Variants in THSD7B observed in about 807,000 individuals in gnomAD.
THSD7B encodes thrombospondin type 1 domain containing 7B.
THSD7B carries 138 observed loss-of-function variants against 213.6 expected under a neutral mutation model. The ratio of observed to expected loss-of-function variants is 0.65; its 90% CI spans 0.56 to 0.74. The LOEUF (loss-of-function observed/expected upper bound fraction) is 0.74, where lower values mean the gene tolerates loss of function less well. Among genes scored for constraint, THSD7B ranks in the 30% least tolerant of loss-of-function variants. The pLI is 0.00. For synonymous variants in THSD7B, 742 were observed against 687.0 expected (o/e 1.08, Z -1.25); for missense variants, 1,931 against 1,991.5 (o/e 0.97, Z 0.58).
At chr2:137,427,575 A>G (rs1287006281) in intron 14 of THSD7B, among the ~76,000 whole-genome samples, 1 of 152,112 alleles carries the variant, frequency 6.6e-6, no homozygotes, top group African/African-American at 2.4e-5. Flanking sequence ...GGCTAAGTGA[A>G]TTAAGCCAGA....
At chr2:137,520,335 G>A (rs1270245477) in intron 15 of THSD7B, among the ~76,000 whole-genome samples, 8 of 152,114 alleles carry the variant, frequency 5.3e-5, no homozygotes, top group East Asian at 3.8e-4. Flanking sequence ...TTTGTATAAC[G>A]AATAGAATTG....
At chr2:137,482,221 A>T (rs2105107078) in intron 15 of THSD7B, among the ~76,000 whole-genome samples, 1 of 151,788 alleles carries the variant, frequency 6.6e-6, no homozygotes, top group Admixed American at 6.6e-5. Flanking sequence ...GCCATAGATT[A>T]ATTTCAAATG....
At chr2:136,900,398 G>A (rs907538970) in intron 2 of THSD7B, among the ~76,000 whole-genome samples, 6 of 151,798 alleles carry the variant, frequency 4.0e-5, no homozygotes, top group African/African-American at 2.4e-5. Flanking sequence ...TGTTGTTATC[G>A]ATCAATAGAA....
intron 15 of THSD7B, among the ~76,000 whole-genome samples, chr2:137,451,659 G>C (rs1473550265): frequency 6.6e-6 from 1 of 151,920 alleles, no homozygotes; most frequent in Non-Finnish European, 1.5e-5. Context: ...AAGTTGATTA[G>C]AGTATTTCAG....
At chr2:137,057,913 CAT>C (rs1425311894) in intron 3 of THSD7B, among the ~76,000 whole-genome samples, 2 of 152,190 alleles carry the variant, frequency 1.3e-5, no homozygotes, top group African/African-American at 2.4e-5. Flanking sequence ...AACATCATGA[CAT>C]AAACTCACAG....
chr2:137,004,159 A>G (rs1487438177), intron 2 of THSD7B, among the ~76,000 whole-genome samples: 2 of 152,206 alleles, frequency 1.3e-5, no homozygotes, highest in Non-Finnish European at 1.5e-5. Flanking sequence ...CAGTCAAAAG[A>G]AAAAGTGGCA....
chr2:137,147,792 T>C (rs1200555027), intron 5 of THSD7B, among the ~76,000 whole-genome samples: 1 of 152,170 alleles, frequency 6.6e-6, no homozygotes, highest in African/African-American at 2.4e-5. Context: ...CTGATTTTTC[T>C]CACCTCTTTC....
chr2:137,135,533 A>G (rs1357319987), intron 5 of THSD7B, among the ~76,000 whole-genome samples: 1 of 152,196 alleles, frequency 6.6e-6, no homozygotes, highest in African/African-American at 2.4e-5. Flanking sequence ...TACACATTAA[A>G]ATTCTTAACA....
intron 12 of THSD7B, among the ~76,000 whole-genome samples, chr2:137,362,099 A>G (rs536937393): frequency 7.2e-4 from 110 of 152,312 alleles, no homozygotes; most frequent in African/African-American, 2.6e-3. Flanking sequence ...AAAGAAAAGA[A>G]TTTTCAACCC....
At chr2:136,817,618 G>T (rs1404319338) in intron 1 of THSD7B, among the ~76,000 whole-genome samples, 1 of 151,052 alleles carries the variant, frequency 6.6e-6, no homozygotes, top group Non-Finnish European at 1.5e-5. Context: ...ATTAAATAGG[G>T]AATCCTTTCC....
intron 14 of THSD7B, among the ~76,000 whole-genome samples, chr2:137,412,457 G>A (rs1387931445): frequency 1.3e-5 from 2 of 151,434 alleles, no homozygotes; most frequent in African/African-American, 2.4e-5. Context: ...AAAATTAGCC[G>A]GGCGTGGTGG....
intron 1 of THSD7B, among the ~76,000 whole-genome samples, chr2:136,825,718 A>ATTTTGTTTTTTTTTTT (rs1682634976): frequency 8.6e-6 from 1 of 116,896 alleles, no homozygotes; most frequent in Non-Finnish European, 1.7e-5. Context: ...TGCCTGGCTA[A>ATTTTGTTTTTTTTTTT]TTTTTTTTTT....
At chr2:137,181,263 C>G (rs1183292691) in intron 7 of THSD7B, among the ~76,000 whole-genome samples, 1 of 152,170 alleles carries the variant, frequency 6.6e-6, no homozygotes, top group African/African-American at 2.4e-5. Flanking sequence ...CAGCTTTTCA[C>G]TCCTTCATCG....
At chr2:137,550,952 T>C (rs534680017) in intron 15 of THSD7B, among the ~76,000 whole-genome samples, 1 of 152,138 alleles carries the variant, frequency 6.6e-6, no homozygotes, top group African/African-American at 2.4e-5. Flanking sequence ...AGTTTACCTA[T>C]ATAACAAACC....
intron 2 of THSD7B, among the ~76,000 whole-genome samples, chr2:137,006,323 A>G (rs1686109942): frequency 6.6e-6 from 1 of 152,136 alleles, no homozygotes; most frequent in Non-Finnish European, 1.5e-5. Flanking sequence ...TGAACCCGGG[A>G]GGCGGAGCTT....
At chr2:137,193,842 G>T (rs949348539) in intron 7 of THSD7B, among the ~76,000 whole-genome samples, 2 of 151,112 alleles carry the variant, frequency 1.3e-5, no homozygotes, top group African/African-American at 4.9e-5. Flanking sequence ...AGACCTAGAT[G>T]GCAAATCATA....
intron 6 of THSD7B, among the ~76,000 whole-genome samples, chr2:137,164,838 C>G (rs1680092177): frequency 6.6e-6 from 1 of 152,032 alleles, no homozygotes. Context: ...AATGAGAACA[C>G]TTGGACACAG....
At chr2:136,983,350 G>GACACACACACACACACAC (rs1440218135) in intron 2 of THSD7B, among the ~76,000 whole-genome samples, 3 of 53,128 alleles carry the variant, frequency 5.6e-5, no homozygotes, top group African/African-American at 7.8e-5. Flanking sequence ...CACACACACA[G>GACACACACACACACACAC]ACACACAGAC....
chr2:137,660,578 G>A (rs1404283740), intron 25 of THSD7B, among the ~76,000 whole-genome samples: 1 of 152,176 alleles, frequency 6.6e-6, no homozygotes, highest in Non-Finnish European at 1.5e-5. Context: ...TTGGGTTAAT[G>A]ATGTTTAAAA....
Sources: gnomAD v4.1 joint callset for allele counts (sites outside exome capture counted in the v4.1 genomes callset) on GRCh38, gnomAD v4.1.1 for gene constraint, MANE v1.5 for transcripts, NCBI Gene and HGNC (gene_info 2026-07-23, HGNC 2026-07-21) for gene names.